Variants in CAST observed in about 807,000 individuals in gnomAD.
CAST encodes the protein MIR583 host.
Under a neutral mutation model 119.6 loss-of-function variants are expected in CAST, and 76 were observed. That is an observed-to-expected ratio of 0.64 (90% CI 0.53 to 0.77). The LOEUF is 0.77. Ranked by LOEUF, CAST falls within the 30% of genes least tolerant of loss-of-function variation. The pLI, the probability that CAST is intolerant of heterozygous loss-of-function variation, is 0.00. For synonymous variants in CAST, 319 were observed against 331.6 expected, an observed-to-expected ratio of 0.96 and a Z score of 0.41; for missense variants, 953 against 946.5, an observed-to-expected ratio of 1.01 and a Z score of -0.09.
At chr5:96,262,297 A>T in the CAST span, among the ~76,000 whole-genome samples, 1 of 152,126 alleles carries the variant, frequency 6.6e-6, no homozygotes, top group Non-Finnish European at 1.5e-5. Flanking sequence ...GTTGGGAGGG[A>T]GGAGAAGGGG....
chr5:96,184,705 A>G, the CAST span, among the ~76,000 whole-genome samples: 1 of 152,196 alleles, frequency 6.6e-6, no homozygotes, highest in African/African-American at 2.4e-5. Flanking sequence ...TTATGGCTGC[A>G]TAGTATTCCA....
the CAST span, among the ~76,000 whole-genome samples, chr5:96,409,941 T>C: frequency 6.6e-6 from 1 of 152,214 alleles, no homozygotes; most frequent in African/African-American, 2.4e-5. Flanking sequence ...ATAGGAATCT[T>C]GCACGCATTC....
chr5:96,657,670 C>A (rs530895642), upstream of CAST, among the ~76,000 whole-genome samples: 3 of 152,080 alleles, frequency 2.0e-5, no homozygotes, highest in East Asian at 5.8e-4. Flanking sequence ...ATTTGGGCTG[C>A]AAAAATTTCT....
At chr5:96,068,353 G>A in the CAST span, among the ~76,000 whole-genome samples, 2 of 151,988 alleles carry the variant, frequency 1.3e-5, no homozygotes, top group Non-Finnish European at 2.9e-5. Flanking sequence ...GGAATAAGAA[G>A]CAGGATTCTT....
At chr5:96,691,200 C>T (rs73138617) in intron 2 of CAST, among the ~76,000 whole-genome samples, 3,849 of 152,198 alleles carry the variant, frequency 0.025, 171 homozygotes, top group African/African-American at 0.087. Context: ...ACCACTGTTC[C>T]ATATACAGAA....
chr5:96,531,258 C>G (rs1745683395), intron 1 of CAST, among the ~76,000 whole-genome samples: 1 of 152,140 alleles, frequency 6.6e-6, no homozygotes. Context: ...GGGTGGCAGG[C>G]TTAAGAAGAG....
intron 10 of CAST, among the ~76,000 whole-genome samples, chr5:96,737,273 A>C (rs1761857885): frequency 6.6e-6 from 1 of 152,150 alleles, no homozygotes; most frequent in Non-Finnish European, 1.5e-5. Context: ...TTAATGTCTC[A>C]GGTAATTTCT....
At chr5:96,760,396 A>T (rs1359561628) in intron 24 of CAST, among the ~76,000 whole-genome samples, 2 of 151,956 alleles carry the variant, frequency 1.3e-5, no homozygotes, top group African/African-American at 4.8e-5. Context: ...AAAACTTTTT[A>T]AAAAGTAGGC....
At chr5:96,195,297 T>G in the CAST span, among the ~76,000 whole-genome samples, 1 of 152,206 alleles carries the variant, frequency 6.6e-6, no homozygotes, top group African/African-American at 2.4e-5. Context: ...ATCACTATTT[T>G]CTAACCCTGG....
the CAST span, among the ~76,000 whole-genome samples, chr5:96,114,727 G>T: frequency 6.6e-6 from 1 of 152,188 alleles, no homozygotes; most frequent in African/African-American, 2.4e-5. Flanking sequence ...TGGGAGAAGC[G>T]TAATGGAGTT....
chr5:96,324,800 AC>A, the CAST span, among the ~76,000 whole-genome samples: 1 of 152,072 alleles, frequency 6.6e-6, no homozygotes, highest in East Asian at 1.9e-4. Flanking sequence ...TATAACCCTT[AC>A]CTTTTTCCCC....
At chr5:96,757,294 TG>T in intron 22 of CAST, 149 bp from the exon 23 acceptor site, 1 of 767,204 alleles carries the variant, frequency 1.3e-6, no homozygotes, top group Non-Finnish European at 2.2e-6. Flanking sequence ...GCATATTCTC[TG>T]GTGAGAGAAT....
chr5:96,452,512 GAGAT>G, the CAST span, among the ~76,000 whole-genome samples: 2 of 151,946 alleles, frequency 1.3e-5, no homozygotes, highest in African/African-American at 4.8e-5. Context: ...GGCCAGTGGA[GAGAT>G]AGCATTAGGA....
chr5:96,241,674 C>T, the CAST span, among the ~76,000 whole-genome samples: 1 of 141,138 alleles, frequency 7.1e-6, no homozygotes, highest in Non-Finnish European at 1.6e-5. Flanking sequence ...GTTTACAGTC[C>T]CACCAACAGT....
Position 96,762,440 on chromosome 5 carries a change from G to A in CAST, c.1932+68G>A, listed in dbSNP as rs27035. 4.2e-3 allele frequency: 4,879 copies of A among 1,172,506 alleles called. 154 individuals carry two copies. The African/African-American group carries it at 0.064, about 15-fold the overall frequency. The allele number at this position is 1,172,506 out of a possible 1,614,324, so 72.6% of individuals were successfully genotyped here. On this transcript the variant is annotated intron_variant, in intron 25 of 31. Transcript: ENST00000675179. ...GCCACAACTAGAAAGAAAATAGGGC[G>A]CCTGTTTAAAGCAAATGAAAATAGG...
rs183362028 is a variant in CAST, at chr5:96,588,643, G to A, written c.60+58763G>A. On this transcript the variant is annotated intron_variant, in intron 1 of 11. Transcript: ENST00000505143. The stretch of plus-strand genomic sequence containing the variant: ...ATTACAATAAGATGGCCAGAAAAAC[G>A]ATTTATGATCAGAGCCCAAGAGAGT... Among the ~76,000 whole-genome samples, 18 of 152,236 alleles carry A rather than the reference G, an allele frequency of 1.2e-4. No individual in the cohort carries two copies. The East Asian group carries it at 3.1e-3, about 26-fold the overall frequency.
intron 1 of CAST, among the ~76,000 whole-genome samples, chr5:96,552,437 A>G (rs1053898322): frequency 2.0e-5 from 3 of 152,242 alleles, no homozygotes; most frequent in Non-Finnish European, 4.4e-5. Flanking sequence ...AGGGAAATTT[A>G]TAGCACTATA....
chr5:96,708,748 CCTT>C (rs1755518579), intron 3 of CAST, among the ~76,000 whole-genome samples: 1 of 152,176 alleles, frequency 6.6e-6, no homozygotes. Context: ...GCCTCGGCCT[CCTT>C]CTTCACCTCT....
the CAST span, chr5:96,413,082 G>A: frequency 1.8e-5 from 7 of 383,102 alleles, no homozygotes; most frequent in African/African-American, 2.2e-5. Flanking sequence ...AATAGGGAAA[G>A]CACTTTTGTT....
Sources: gnomAD v4.1 joint callset for allele counts (sites outside exome capture counted in the v4.1 genomes callset) on GRCh38, gnomAD v4.1.1 for gene constraint, MANE v1.5 for transcripts, NCBI Gene and HGNC (gene_info 2026-07-23, HGNC 2026-07-21) for gene names.